Variants in GRM7 observed in about 807,000 individuals in gnomAD.
GRM7 encodes the protein metabotropic glutamate receptor 7.
In GRM7, 35 loss-of-function variants were observed where a neutral mutation model predicts 84.5. The observed-to-expected ratio is 0.41, with a 90% CI of 0.32 to 0.55. The LOEUF (loss-of-function observed/expected upper bound fraction) is 0.55, where lower values mean the gene tolerates loss of function less well. Ranked by LOEUF, GRM7 falls within the 20% of genes least tolerant of loss-of-function variation. The pLI is 0.19. For missense variants in GRM7, 1,003 were observed against 1,194.6 expected (o/e 0.84, Z 2.36); for synonymous variants, 487 against 455.1 (o/e 1.07, Z -0.89).
intron 1 of GRM7, among the ~76,000 whole-genome samples, chr3:7,049,364 C>T (rs770514467): frequency 2.6e-5 from 4 of 151,948 alleles, no homozygotes; most frequent in Non-Finnish European, 5.9e-5. Flanking sequence ...TCTTACATGG[C>T]AGGCAAGAGA....
intron 4 of GRM7, among the ~76,000 whole-genome samples, chr3:7,395,106 C>G (rs1463521621): frequency 6.6e-6 from 1 of 151,828 alleles, no homozygotes; most frequent in Non-Finnish European, 1.5e-5. Flanking sequence ...GATTCAGTTC[C>G]CATGTTACGA....
intron 7 of GRM7, among the ~76,000 whole-genome samples, chr3:7,507,864 T>C (rs17663718): frequency 0.015 from 2,221 of 152,312 alleles, 30 homozygotes; most frequent in Non-Finnish European, 0.023. Flanking sequence ...GGTCTGAAAA[T>C]ATATACAAGT....
chr3:7,093,685 A>C (rs1698749597), intron 1 of GRM7, among the ~76,000 whole-genome samples: 1 of 91,688 alleles, frequency 1.1e-5, no homozygotes, highest in Non-Finnish European at 2.2e-5. Context: ...TCAAAAAAAA[A>C]AAAAAAAAAA....
chr3:7,258,199 G>C (rs762626713), intron 2 of GRM7, among the ~76,000 whole-genome samples: 2 of 151,916 alleles, frequency 1.3e-5, no homozygotes, highest in Non-Finnish European at 2.9e-5. Context: ...TTTCTCTCTT[G>C]ATCCTTCAGT....
At chr3:6,923,083 C>A (rs1451105109) in intron 1 of GRM7, among the ~76,000 whole-genome samples, 2 of 152,054 alleles carry the variant, frequency 1.3e-5, no homozygotes, top group African/African-American at 4.8e-5. Context: ...TGCGGAATCT[C>A]GGCTCATTGC....
At chr3:7,686,276 A>G (rs760348395) in intron 9 of GRM7, 13 of 678,598 alleles carry the variant, frequency 1.9e-5, no homozygotes, top group East Asian at 2.7e-5. Flanking sequence ...GCCTTTTCCC[A>G]AAAGGAAAAT....
At chr3:6,913,462 A>G (rs1376913617) in intron 1 of GRM7, among the ~76,000 whole-genome samples, 1 of 152,178 alleles carries the variant, frequency 6.6e-6, no homozygotes, top group East Asian at 1.9e-4. Context: ...TGAATAATGA[A>G]CACTTGGATG....
rs557674027 is a variant in GRM7, at chr3:7,041,079, CAAAAA to C, written c.520-105356_520-105352del. 4.0e-3 allele frequency among the ~76,000 whole-genome samples: 320 copies of C among 80,842 alleles called. 1 individual carries two copies. The highest frequency in any genetic ancestry group is 6.5e-3 in the Non-Finnish European group (223 of 34,218). The allele number at this position is 80,842 out of a possible 152,430, so 53.0% of individuals were successfully genotyped here. On this transcript the variant is annotated intron_variant, in intron 1 of 9. Transcript: ENST00000357716. ...TGGGTGACAGAGTGAGACCCTGTCT[CAAAAA>C]AAAAAAAAAAAAAAAATTATGTGGT...
chr3:7,128,769 A>G (rs141230537), intron 1 of GRM7, among the ~76,000 whole-genome samples: 1 of 151,696 alleles, frequency 6.6e-6, no homozygotes, highest in African/African-American at 2.4e-5. Context: ...TCGCTTCCCA[A>G]AGTGCTAGGA....
At chr3:7,428,724 G>C (rs1481219487) in intron 5 of GRM7, among the ~76,000 whole-genome samples, 3 of 152,134 alleles carry the variant, frequency 2.0e-5, no homozygotes, top group South Asian at 2.1e-4. Context: ...AACTTACAAT[G>C]CTAGCACAGG....
chr3:7,365,151 A>G (rs1456372717), intron 4 of GRM7, among the ~76,000 whole-genome samples: 4 of 151,754 alleles, frequency 2.6e-5, no homozygotes, highest in Non-Finnish European at 5.9e-5. Context: ...TGCCAAACGA[A>G]TTTTTTAAAG....
intron 7 of GRM7, among the ~76,000 whole-genome samples, chr3:7,473,170 G>A (rs1201369323): frequency 6.6e-6 from 1 of 152,142 alleles, no homozygotes; most frequent in Non-Finnish European, 1.5e-5. Flanking sequence ...GCTTACTGCA[G>A]TAAGAGAGAA....
chr3:7,660,621 C>T (rs182944358), intron 8 of GRM7, among the ~76,000 whole-genome samples: 2 of 152,224 alleles, frequency 1.3e-5, no homozygotes, highest in East Asian at 3.9e-4. Context: ...AAAATCCCAA[C>T]AGGCTTCTTA....
intron 1 of GRM7, among the ~76,000 whole-genome samples, chr3:6,961,165 T>C (rs1377737796): frequency 6.6e-6 from 1 of 152,156 alleles, no homozygotes; most frequent in Non-Finnish European, 1.5e-5. Context: ...TATAACTTAT[T>C]ATCAGTAAGA....
chr3:7,694,625 G>T (rs917874724), intron 9 of GRM7, among the ~76,000 whole-genome samples: 1 of 152,054 alleles, frequency 6.6e-6, no homozygotes. Flanking sequence ...TGAGCTATCT[G>T]GGAAATCACA....
intron 5 of GRM7, among the ~76,000 whole-genome samples, chr3:7,422,577 G>A (rs1696441198): frequency 6.6e-6 from 1 of 152,020 alleles, no homozygotes; most frequent in Admixed American, 6.6e-5. Flanking sequence ...TTGATTACAG[G>A]CTGGGCGAGG....
intron 7 of GRM7, among the ~76,000 whole-genome samples, chr3:7,545,250 CCTAA>C (rs1352740076): frequency 1.3e-5 from 2 of 152,360 alleles, no homozygotes; most frequent in African/African-American, 2.4e-5. Flanking sequence ...TTATCTCTAA[CCTAA>C]CTGTCGACAC....
At chr3:7,436,240 T>G (rs1333315769) in intron 5 of GRM7, among the ~76,000 whole-genome samples, 1 of 152,160 alleles carries the variant, frequency 6.6e-6, no homozygotes, top group Non-Finnish European at 1.5e-5. Context: ...TGTCTTTATA[T>G]CCCTCTTTCT....
At chr3:7,567,079 A>C (rs908210106) in intron 7 of GRM7, among the ~76,000 whole-genome samples, 2 of 152,176 alleles carry the variant, frequency 1.3e-5, no homozygotes, top group African/African-American at 4.8e-5. Flanking sequence ...GTTCCATTAG[A>C]CTTGGTTGTT....
Sources: gnomAD v4.1 joint callset for allele counts (sites outside exome capture counted in the v4.1 genomes callset) on GRCh38, gnomAD v4.1.1 for gene constraint, MANE v1.5 for transcripts, NCBI Gene and HGNC (gene_info 2026-07-23, HGNC 2026-07-21) for gene names.